ATP8B1: variants seen among roughly 807,000 people sequenced by gnomAD.
ATP8B1 encodes phospholipid-transporting ATPase IC.
ATP8B1 carries 80 observed loss-of-function variants against 149.9 expected under a neutral mutation model. That is an observed-to-expected ratio of 0.53 (90% CI 0.45 to 0.64). The LOEUF (loss-of-function observed/expected upper bound fraction) is 0.64. Ranked by LOEUF, ATP8B1 falls within the 30% of genes least tolerant of loss-of-function variation. The pLI is 0.00. For synonymous variants in ATP8B1, 536 were observed against 562.8 expected, an observed-to-expected ratio of 0.95 and a Z score of 0.67; for missense variants, 1,247 against 1,552.6, an observed-to-expected ratio of 0.80 and a Z score of 3.31.
intron 16 of ATP8B1, among the ~76,000 whole-genome samples, chr18:57,674,577 G>T (rs1162971080): frequency 6.6e-6 from 1 of 151,786 alleles, no homozygotes; most frequent in Admixed American, 6.6e-5. Flanking sequence ...TAGTAGAGAC[G>T]GGGTTTCACC....
intron 8 of ATP8B1, among the ~76,000 whole-genome samples, chr18:57,696,785 G>A (rs921253809): frequency 6.6e-5 from 10 of 152,284 alleles, no homozygotes; most frequent in African/African-American, 2.2e-4. Context: ...TAATACAGAC[G>A]AATAATATTC....
intron 1 of ATP8B1, among the ~76,000 whole-genome samples, chr18:57,756,387 G>A (rs1204200072): frequency 6.7e-6 from 1 of 149,868 alleles, no homozygotes; most frequent in African/African-American, 2.5e-5. Context: ...TGCAACCTCC[G>A]CCTCCCGGGT....
intron 1 of ATP8B1, among the ~76,000 whole-genome samples, chr18:57,754,794 G>T (rs1006166787): frequency 6.6e-6 from 1 of 152,084 alleles, no homozygotes; most frequent in Non-Finnish European, 1.5e-5. Context: ...ACTGTCTCAG[G>T]CCACAGGAAA....
rs144676034 is a variant in ATP8B1 at position 57,706,396 on chromosome 18, G to C, written c.279+94C>G. On this transcript the variant is annotated intron_variant, in intron 3 of 27. Transcript: ENST00000648908. ...TCAGTAGCCCCAGGCAGGTGGTTAC[G>C]TGGAAGGCAGGTGTAGCATGAAGGT... 3.6e-3 allele frequency: 3,546 copies of C among 971,584 alleles called. 66 individuals carry two copies. In the African/African-American group the frequency reaches 0.046, roughly 13 times the overall value. The allele number at this position is 971,584 out of a possible 1,614,324, so 60.2% of individuals were successfully genotyped here.
chr18:57,779,082 G>A (rs2080335672), intron 1 of ATP8B1, among the ~76,000 whole-genome samples: 1 of 152,158 alleles, frequency 6.6e-6, no homozygotes, highest in Non-Finnish European at 1.5e-5. Flanking sequence ...CAGAACTTTG[G>A]GAGGCTGAGG....
At chr18:57,752,100 G>C (rs959318585) in intron 1 of ATP8B1, among the ~76,000 whole-genome samples, 29 of 151,876 alleles carry the variant, frequency 1.9e-4, no homozygotes, top group African/African-American at 6.3e-4. Flanking sequence ...CCAGCTACTT[G>C]AGAGGCTGAG....
At chr18:57,761,312 T>C (rs1050995784) in intron 1 of ATP8B1, among the ~76,000 whole-genome samples, 13 of 152,110 alleles carry the variant, frequency 8.5e-5, no homozygotes, top group African/African-American at 3.1e-4. Flanking sequence ...TGCAGTGGCC[T>C]CTCTGAAGAT....
intron 22 of ATP8B1, 53 bp from the exon 23 acceptor site, chr18:57,655,470 A>G (rs1035649890): frequency 6.6e-7 from 1 of 1,504,846 alleles, no homozygotes; most frequent in African/African-American, 1.4e-5. Context: ...TGTGAGGCAA[A>G]ACATCAGTTG....
At chr18:57,703,776 A>G (rs1334745855) in intron 4 of ATP8B1, among the ~76,000 whole-genome samples, 2 of 152,216 alleles carry the variant, frequency 1.3e-5, no homozygotes, top group South Asian at 4.1e-4. Context: ...TAGGAAAAAA[A>G]ATTTTTAAGT....
intron 15 of ATP8B1, among the ~76,000 whole-genome samples, chr18:57,676,415 A>AG (rs1911591520): frequency 1.3e-5 from 2 of 151,988 alleles, no homozygotes; most frequent in Non-Finnish European, 2.9e-5. Context: ...TTATTAAAAA[A>AG]AAAAAGAAAA....
chr18:57,760,988 CAAAT>C (rs1568059095), intron 1 of ATP8B1, among the ~76,000 whole-genome samples: 1 of 138,854 alleles, frequency 7.2e-6, no homozygotes, highest in African/African-American at 2.7e-5. Flanking sequence ...GACTCTGTCT[CAAAT>C]AAAATAAAAT....
intron 6 of ATP8B1, among the ~76,000 whole-genome samples, chr18:57,698,355 T>C (rs1019614411): frequency 1.3e-5 from 2 of 152,006 alleles, no homozygotes; most frequent in Admixed American, 1.3e-4. Context: ...TAATTTTTTT[T>C]TTCATTGAGA....
At chr18:57,667,778 A>G (rs1271235667) in intron 19 of ATP8B1, 1 of 185,454 alleles carries the variant, frequency 5.4e-6, no homozygotes, top group African/African-American at 2.4e-5. Context: ...ATTTCCACCA[A>G]CCCTTACGTG....
intron 1 of ATP8B1, among the ~76,000 whole-genome samples, chr18:57,756,167 C>G (rs1192965782): frequency 6.9e-6 from 1 of 144,276 alleles, no homozygotes; most frequent in African/African-American, 2.6e-5. Flanking sequence ...GTAGCCATGT[C>G]CTTTAATCTG....
rs771809399 is a variant in ATP8B1 at position 57,648,366 on chromosome 18, T to C, written c.*122A>G. The C allele has an allele frequency of 8.7e-7, 1 of 1,149,204 alleles. No homozygotes were observed. The highest frequency in any genetic ancestry group is 1.3e-6 in the Non-Finnish European group (1 of 781,376). The allele number at this position is 1,149,204 out of a possible 1,614,324, so 71.2% of individuals were successfully genotyped here. On this transcript the variant is annotated 3_prime_UTR_variant, in exon 28 of 28. Transcript: ENST00000648908. ...CAACCCAAGGAGTTTGTTATAAAGA[T>C]TATTTATTGTCTTCAATATCTTTGT...
At chr18:57,659,812 G>A (rs1910277004) in intron 22 of ATP8B1, 1 of 152,174 alleles carries the variant, frequency 6.6e-6, no homozygotes, top group Admixed American at 6.5e-5. Flanking sequence ...GGAGGAGGAG[G>A]AGACTAAGAA....
intron 4 of ATP8B1, 71 bp from the exon 5 acceptor site, chr18:57,701,384 T>C: frequency 2.2e-6 from 3 of 1,347,526 alleles, no homozygotes; most frequent in Non-Finnish European, 3.2e-6. Context: ...TTATTGCTAA[T>C]TCTAAGCTTG....
chr18:57,686,420 C>T (rs1182048889), intron 13 of ATP8B1, among the ~76,000 whole-genome samples: 2 of 151,914 alleles, frequency 1.3e-5, no homozygotes, highest in African/African-American at 2.4e-5. Context: ...ACAACAGCCT[C>T]GACGTACCCA....
intron 8 of ATP8B1, 64 bp from the exon 9 acceptor site, chr18:57,695,596 C>T: frequency 7.9e-7 from 1 of 1,266,588 alleles, no homozygotes; most frequent in Non-Finnish European, 1.1e-6. Flanking sequence ...GGAAGTTAAT[C>T]ATCCAAAGTT....
Sources: allele counts gnomAD v4.1 joint callset (sites outside exome capture counted in the v4.1 genomes callset), GRCh38; gene constraint gnomAD v4.1.1; transcripts MANE v1.5; gene names NCBI Gene and HGNC (gene_info 2026-07-23, HGNC 2026-07-21).